The following ZNF148 variants were observed in gnomAD, a reference collection of about 807,000 sequenced individuals.
ZNF148 encodes the protein Beta-Enolase Repressor Factor-1.
A neutral mutation model predicts 67.7 loss-of-function variants in ZNF148; 7 were observed. The observed-to-expected ratio is 0.10, with a 90% confidence interval of 0.06 to 0.19. The LOEUF (loss-of-function observed/expected upper bound fraction) is 0.19, where lower values mean the gene tolerates loss of function less well. Among genes scored for constraint, ZNF148 ranks in the 10% least tolerant of loss-of-function variants. ZNF148 has a pLI of 1.00. For synonymous variants in ZNF148, 333 were observed against 330.7 expected (o/e 1.01, Z -0.08); for missense variants, 583 against 947.1 (o/e 0.62, Z 5.05).
intron 4 of ZNF148, among the ~76,000 whole-genome samples, chr3:125,296,756 G>A (rs1939303866): frequency 6.6e-6 from 1 of 152,062 alleles, no homozygotes; most frequent in Non-Finnish European, 1.5e-5. Context: ...AAGAAATAGG[G>A]AGATAAATTA....
At chr3:125,342,260 T>A (rs868796291) in intron 1 of ZNF148, among the ~76,000 whole-genome samples, 27 of 151,256 alleles carry the variant, frequency 1.8e-4, no homozygotes, top group South Asian at 6.3e-4. Flanking sequence ...AACTTGCAGA[T>A]CCAAATAGCT....
intron 1 of ZNF148, among the ~76,000 whole-genome samples, chr3:125,349,424 G>C (rs1231431505): frequency 1.3e-5 from 2 of 152,146 alleles, no homozygotes; most frequent in Non-Finnish European, 2.9e-5. Flanking sequence ...AAAAGGACCT[G>C]AAAAAATATT....
At position 125,343,466 on chromosome 3, in the gene ZNF148, C is replaced by T. The variant is rs1197704683; in HGVS notation, c.-233-12228G>A. On this transcript the variant is annotated intron_variant, in intron 1 of 8. Transcript: ENST00000360647. ...GGGGATTGTAAAATGCACCAATCAG[C>T]GCTCTGTAAAAACTCACCAATGAGC... is the stretch of plus-strand genomic sequence containing the variant. Among the ~76,000 whole-genome samples, 3 of 15,426 alleles carry T rather than the reference C, an allele frequency of 1.9e-4. No homozygotes were observed. The East Asian group carries it at 2.0e-3, about 10-fold the overall frequency. 10.1% of individuals were successfully genotyped at this position (15,426 alleles called of 152,430 possible).
At chr3:125,343,242 C>A (rs1049032056) in intron 1 of ZNF148, among the ~76,000 whole-genome samples, 1 of 152,252 alleles carries the variant, frequency 6.6e-6, no homozygotes, top group Non-Finnish European at 1.5e-5. Context: ...CGTGTCAAGG[C>A]TCACCTTGGA....
chr3:125,305,337 T>C (rs1473358779), intron 4 of ZNF148, among the ~76,000 whole-genome samples: 3 of 152,288 alleles, frequency 2.0e-5, no homozygotes, highest in Admixed American at 2.0e-4. Flanking sequence ...ATGTAAAATA[T>C]AAATTCCAAA....
At chr3:125,284,346 TAACAGTCACCAAA>T (rs1000152003) in intron 5 of ZNF148, among the ~76,000 whole-genome samples, 12 of 152,110 alleles carry the variant, frequency 7.9e-5, no homozygotes, top group African/African-American at 2.9e-4. Context: ...CTTAAGAGTA[TAACAGTCACCAAA>T]AACAGACTCA....
chr3:125,307,356 T>G (rs986217271), intron 4 of ZNF148, among the ~76,000 whole-genome samples: 24 of 151,714 alleles, frequency 1.6e-4, no homozygotes, highest in African/African-American at 4.4e-4. Context: ...CAGGCTGGAG[T>G]GCAGTGGCGC....
At chr3:125,300,544 C>G (rs1377451944) in intron 4 of ZNF148, among the ~76,000 whole-genome samples, 1 of 152,148 alleles carries the variant, frequency 6.6e-6, no homozygotes, top group Non-Finnish European at 1.5e-5. Flanking sequence ...ATGAATTAAT[C>G]ATAAACACGA....
chr3:125,246,822 T>G (rs891563818), intron 7 of ZNF148, among the ~76,000 whole-genome samples: 1 of 152,174 alleles, frequency 6.6e-6, no homozygotes, highest in East Asian at 1.9e-4. Context: ...TGACAATTAC[T>G]AAAATAAATC....
intron 7 of ZNF148, among the ~76,000 whole-genome samples, chr3:125,253,323 G>T (rs1249756192): frequency 6.6e-6 from 1 of 152,094 alleles, no homozygotes; most frequent in Non-Finnish European, 1.5e-5. Flanking sequence ...TTTGAATACT[G>T]ACCTTGTATA....
intron 7 of ZNF148, among the ~76,000 whole-genome samples, chr3:125,265,916 G>T (rs944105838): frequency 3.9e-5 from 6 of 151,976 alleles, no homozygotes; most frequent in Non-Finnish European, 2.9e-5. Context: ...AAGAGTAGGG[G>T]TCATTATTCT....
chr3:125,294,017 A>G (rs1939156625), intron 4 of ZNF148, among the ~76,000 whole-genome samples: 1 of 152,204 alleles, frequency 6.6e-6, no homozygotes, highest in South Asian at 2.1e-4. Flanking sequence ...GGTTACTATC[A>G]CCAGTTTTAA....
chr3:125,364,778 T>C (rs950856029), intron 1 of ZNF148, among the ~76,000 whole-genome samples: 8 of 152,322 alleles, frequency 5.3e-5, no homozygotes, highest in South Asian at 2.1e-4. Context: ...GCCCTTAAGA[T>C]TGGAGCACTT....
At chr3:125,294,487 A>C (rs528018306) in intron 4 of ZNF148, among the ~76,000 whole-genome samples, 5 of 152,334 alleles carry the variant, frequency 3.3e-5, no homozygotes, top group African/African-American at 1.2e-4. Flanking sequence ...TTAAGTATAA[A>C]ATTATTTCAA....
At chr3:125,335,694 T>C (rs1941461167) in intron 1 of ZNF148, among the ~76,000 whole-genome samples, 1 of 152,254 alleles carries the variant, frequency 6.6e-6, no homozygotes, top group Non-Finnish European at 1.5e-5. Context: ...AAAAACTGCA[T>C]GCATGTTGCA....
chr3:125,339,892 C>T (rs947430557), intron 1 of ZNF148, among the ~76,000 whole-genome samples: 1 of 151,996 alleles, frequency 6.6e-6, no homozygotes, highest in East Asian at 1.9e-4. Context: ...GTGGTATGGC[C>T]GTAGACAATA....
chr3:125,362,181 C>G (rs756757467), intron 1 of ZNF148, among the ~76,000 whole-genome samples: 2 of 152,320 alleles, frequency 1.3e-5, no homozygotes, highest in South Asian at 4.1e-4. Flanking sequence ...ATTGACTAAT[C>G]CAAATCATTT....
chr3:125,301,872 T>A (rs1363064904), intron 4 of ZNF148, among the ~76,000 whole-genome samples: 1 of 152,074 alleles, frequency 6.6e-6, no homozygotes, highest in African/African-American at 2.4e-5. Flanking sequence ...AAGACCAGCC[T>A]GGCCAACATG....
intron 3 of ZNF148, among the ~76,000 whole-genome samples, chr3:125,323,065 A>G (rs1940854672): frequency 6.6e-6 from 1 of 151,840 alleles, no homozygotes; most frequent in Non-Finnish European, 1.5e-5. Context: ...CAAGAAAATA[A>G]CTCTCAATTA....
Sources: gnomAD v4.1 joint callset for allele counts (sites outside exome capture counted in the v4.1 genomes callset) on GRCh38, gnomAD v4.1.1 for gene constraint, MANE v1.5 for transcripts, NCBI Gene and HGNC (gene_info 2026-07-23, HGNC 2026-07-21) for gene names.